ADAM22: variants seen among roughly 807,000 people sequenced by gnomAD.
ADAM22 encodes the protein ADAM metallopeptidase domain 22, also known as disintegrin and metalloproteinase domain-containing protein 22.
A neutral mutation model predicts 144.6 loss-of-function variants in ADAM22; 65 were observed. That is an observed-to-expected ratio of 0.45 (90% confidence interval 0.37 to 0.55). ADAM22 has a LOEUF of 0.55. Ranked by LOEUF, ADAM22 falls within the 20% of genes least tolerant of loss-of-function variation. The pLI is 0.00. For missense variants in ADAM22, 974 were observed against 1,184.9 expected (o/e 0.82, Z 2.61); for synonymous variants, 391 against 412.6 (o/e 0.95, Z 0.63).
chr7:88,145,063 C>A, intron 15 of ADAM22, 62 bp from the exon 16 acceptor site: 1 of 1,461,786 alleles, frequency 6.8e-7, no homozygotes, highest in South Asian at 1.2e-5. Context: ...CACTTATGGT[C>A]TCTCAAAGTC....
At position 88,167,617 on chromosome 7, in the gene ADAM22, C is replaced by G. The variant is rs928469407; in HGVS notation, c.2192-520C>G. 2.0e-5 allele frequency among the ~76,000 whole-genome samples: 3 copies of G among 152,134 alleles called. No individual in the cohort carries two copies. In the East Asian group the frequency reaches 5.8e-4, roughly 29 times the overall value. ...ACGGGGAATTACAAGCCCAGTGTTTCTATCACCTACATCACCTGGGCAGTA... is the reference window on the plus strand; with the variant it reads ...ACGGGGAATTACAAGCCCAGTGTTTGTATCACCTACATCACCTGGGCAGTA... On this transcript the variant is annotated intron_variant, in intron 24 of 31. Transcript: ENST00000413139.
intron 4 of ADAM22, among the ~76,000 whole-genome samples, chr7:88,091,959 C>T (rs10234048): frequency 0.52 from 78,750 of 151,714 alleles, 21,327 homozygotes; most frequent in East Asian, 0.88. Flanking sequence ...CCCCACCCCC[C>T]GCTTTTTTTA....
intron 3 of ADAM22, among the ~76,000 whole-genome samples, chr7:88,057,307 T>A (rs1052031031): frequency 6.6e-6 from 1 of 152,170 alleles, no homozygotes; most frequent in African/African-American, 2.4e-5. Flanking sequence ...TAGGGTATAT[T>A]TGAGTTTTAG....
intron 15 of ADAM22, among the ~76,000 whole-genome samples, chr7:88,144,492 G>A (rs990337697): frequency 3.3e-5 from 5 of 152,008 alleles, no homozygotes; most frequent in African/African-American, 7.3e-5. Context: ...AGGAGGAGCT[G>A]TATTTTTTAT....
chr7:87,952,162 G>T (rs1396181853), intron 2 of ADAM22, among the ~76,000 whole-genome samples: 23 of 151,970 alleles, frequency 1.5e-4, no homozygotes, highest in Non-Finnish European at 2.6e-4. Context: ...GCCCTGGCCA[G>T]AACTTCCAAC....
chr7:88,157,893 TAAATG>T lies in ADAM22; in HGVS notation c.1907+1890_1907+1894del, dbSNP rs559976655. ...TATGCATATGTAATTTTGATAAAAA[TAAATG>T]AAGTGAATGGGGATTGAATGTAAAT... On this transcript the variant is annotated intron_variant, in intron 22 of 31. Coordinates refer to ENST00000413139, the MANE Select transcript of ADAM22 (RefSeq NM_001324418.2). 3.8e-3 allele frequency among the ~76,000 whole-genome samples: 582 copies of T among 152,166 alleles called. 7 individuals carry two copies. Among genetic ancestry groups the T allele is most frequent in the African/African-American group, 0.013 (549 of 41,522 alleles).
intron 7 of ADAM22, 103 bp downstream of exon 7, chr7:88,116,917 G>T (rs560531953): frequency 3.6e-6 from 3 of 837,296 alleles, no homozygotes; most frequent in Non-Finnish European, 5.5e-6. Context: ...GCCCACATCT[G>T]CTTTTGACAT....
In ADAM22 at chr7:88,114,578, T is replaced by C. The variant is rs1484468687; in HGVS notation, c.474-6T>C. The C allele has an allele frequency of 6.2e-7, 1 of 1,613,636 alleles. No individual in the cohort carries two copies. The highest frequency in any genetic ancestry group is 2.2e-5 in the East Asian group (1 of 44,868). On this transcript the variant is annotated splice_region_variant and splice_polypyrimidine_tract_variant and intron_variant, in intron 5 of 31. Coordinates refer to ENST00000413139, the MANE Select transcript of ADAM22 (RefSeq NM_001324418.2). ...CCATGCCTAATTATTTTTTTGTCGT[T>C]GGCAGTGGGATGTTCTATGACGGGA...
At chr7:88,094,035 A>G (rs1365920209) in intron 4 of ADAM22, among the ~76,000 whole-genome samples, 1 of 152,094 alleles carries the variant, frequency 6.6e-6, no homozygotes, top group East Asian at 1.9e-4. Context: ...TGTGTTCTCA[A>G]CCCTCATTTA....
In ADAM22 at chr7:87,934,570, T is replaced by G. The variant is rs1840710545; in HGVS notation, c.85+20T>G. The G allele has an allele frequency of 1.9e-6, 3 of 1,597,650 alleles. No individual in the cohort carries two copies. Among genetic ancestry groups the G allele is most frequent in the Non-Finnish European group, 2.6e-6 (3 of 1,175,914 alleles). ...AGGCAGGTAAGTTAGCCGTCCTCTG[T>G]GCCTTTGGGCCATACCATTTCCCGG... is the stretch of plus-strand genomic sequence containing the variant. On this transcript the variant is annotated intron_variant, in intron 1 of 31. Transcript: ENST00000413139.
At position 88,051,601 on chromosome 7, in the gene ADAM22, A is replaced by G. The variant is rs570542111; in HGVS notation, c.324-24025A>G. 4.6e-5 allele frequency among the ~76,000 whole-genome samples: 7 copies of G among 152,248 alleles called. No individual in the cohort carries two copies. In the East Asian group the frequency reaches 1.4e-3, roughly 29 times the overall value. ...AGCATTAGGAGATATACCTAATGTA[A>G]ATGACGAGTTAGTGGGTGCAGCACA... On this transcript the variant is annotated intron_variant, in intron 3 of 31. Coordinates refer to ENST00000413139, the MANE Select transcript of ADAM22 (RefSeq NM_001324418.2).
At chr7:88,097,897 A>G (rs1260828665) in intron 4 of ADAM22, among the ~76,000 whole-genome samples, 1 of 152,160 alleles carries the variant, frequency 6.6e-6, no homozygotes, top group African/African-American at 2.4e-5. Flanking sequence ...GGAAAGAGTT[A>G]TAATTTCATG....
At chr7:88,166,143 AGTCT>A (rs947073129) in intron 24 of ADAM22, among the ~76,000 whole-genome samples, 197 bp downstream of exon 24, 1 of 152,118 alleles carries the variant, frequency 6.6e-6, no homozygotes, top group African/African-American at 2.4e-5. Flanking sequence ...CGTATAACTT[AGTCT>A]ATTTGATTTA....
chr7:88,147,850 A>G (rs1333436830), intron 17 of ADAM22, among the ~76,000 whole-genome samples: 1 of 152,224 alleles, frequency 6.6e-6, no homozygotes, highest in Admixed American at 6.5e-5. Context: ...AGTCCCAAGG[A>G]AGAAGAGAAA....
intron 2 of ADAM22, among the ~76,000 whole-genome samples, chr7:87,951,790 ATTTG>A (rs1845271837): frequency 8.7e-6 from 1 of 114,970 alleles, no homozygotes; most frequent in Non-Finnish European, 1.8e-5. Context: ...ACGTTCTTCC[ATTTG>A]TTTGTATCCT....
At chr7:88,173,578 TGC>T (rs2129535207) in intron 26 of ADAM22, among the ~76,000 whole-genome samples, 1 of 152,160 alleles carries the variant, frequency 6.6e-6, no homozygotes, top group South Asian at 2.1e-4. Flanking sequence ...GACCAAAGCA[TGC>T]ATTAAAAAAT....
intron 3 of ADAM22, among the ~76,000 whole-genome samples, chr7:88,055,158 A>G (rs1297985899): frequency 6.6e-6 from 1 of 151,814 alleles, no homozygotes; most frequent in Non-Finnish European, 1.5e-5. Context: ...TTGCTCAACT[A>G]TCCTTTGTTC....
At position 88,193,157 on chromosome 7, in the gene ADAM22, C is replaced by G. The variant is rs767761634; in HGVS notation, c.2792C>G (p.Ser931Cys). ...AAGTCTCCTTCTTCATCAACTGGGTCTATTGCCTCCAGCAGAAAATACCCT... is the reference window on the plus strand; with the variant it reads ...AAGTCTCCTTCTTCATCAACTGGGTGTATTGCCTCCAGCAGAAAATACCCT... ...PAKSPSSSTG[S>C]IASSRKYPYP... The change falls in exon 31 of 32, where the codon TCT (serine) becomes TGT (cysteine). Residue 931 changes from serine to cysteine, a missense_variant. Ser to Cys is a moderately radical substitution (Grantham distance 112). Around this residue, in one of 2 missense-constraint regions of ADAM22, gnomAD observed 734 missense variants for 950.6 expected, o/e 0.77. Coordinates refer to ENST00000413139, the MANE Select transcript of ADAM22 (RefSeq NM_001324418.2). The G allele has an allele frequency of 6.2e-7, 1 of 1,614,092 alleles. No individual in the cohort carries two copies. Among genetic ancestry groups the G allele is most frequent in the South Asian group, 1.1e-5 (1 of 91,076 alleles).
intron 2 of ADAM22, among the ~76,000 whole-genome samples, chr7:87,937,444 G>C (rs1841503991): frequency 6.6e-6 from 1 of 152,176 alleles, no homozygotes; most frequent in Non-Finnish European, 1.5e-5. Flanking sequence ...AGGAGAGGAA[G>C]AGAGACTGAG....
Sources: gnomAD v4.1 joint callset for allele counts (sites outside exome capture counted in the v4.1 genomes callset) on GRCh38, gnomAD v4.1.1 for gene constraint, gnomAD v4.1.1 regional missense constraint, MANE v1.5 for transcripts, NCBI Gene and HGNC (gene_info 2026-07-23, HGNC 2026-07-21) for gene names.